The following ZNF385D variants were observed in gnomAD, a reference collection of about 807,000 sequenced individuals.
ZNF385D encodes the protein zinc finger protein 659.
A neutral mutation model predicts 35.8 loss-of-function variants in ZNF385D; 15 were observed. The ratio of observed to expected loss-of-function variants is 0.42; its 90% confidence interval spans 0.28 to 0.64. The LOEUF (loss-of-function observed/expected upper bound fraction) is 0.64. Among genes scored for constraint, ZNF385D ranks in the 30% least tolerant of loss-of-function variants. ZNF385D has a pLI of 0.23. For synonymous variants in ZNF385D, 212 were observed against 186.8 expected (o/e 1.13, Z -1.10); for missense variants, 474 against 494.6 (o/e 0.96, Z 0.39).
intron 3 of ZNF385D, among the ~76,000 whole-genome samples, chr3:22,024,162 C>T (rs1697394301): frequency 6.6e-6 from 1 of 152,104 alleles, no homozygotes; most frequent in Non-Finnish European, 1.5e-5. Context: ...ATATCTTTCT[C>T]CCATTCTGGA....
At chr3:22,086,280 A>G (rs1348323490) in intron 3 of ZNF385D, among the ~76,000 whole-genome samples, 6 of 152,226 alleles carry the variant, frequency 3.9e-5, no homozygotes, top group Non-Finnish European at 7.3e-5. Flanking sequence ...TTTGCAGATG[A>G]CATGATTGTA....
At chr3:21,425,887 C>T (rs1700999795) in intron 5 of ZNF385D, among the ~76,000 whole-genome samples, 1 of 152,122 alleles carries the variant, frequency 6.6e-6, no homozygotes, top group Non-Finnish European at 1.5e-5. Flanking sequence ...GCTTTCATCA[C>T]TTTATATGAT....
At chr3:21,745,063 C>T (rs1575578112) in intron 1 of ZNF385D, among the ~76,000 whole-genome samples, 2 of 152,174 alleles carry the variant, frequency 1.3e-5, no homozygotes, top group Admixed American at 6.5e-5. Context: ...AACAAGAGTG[C>T]TGAGGACATA....
intron 2 of ZNF385D, among the ~76,000 whole-genome samples, chr3:21,608,101 CT>C (rs1486988588): frequency 6.8e-6 from 1 of 147,976 alleles, no homozygotes; most frequent in Non-Finnish European, 1.5e-5. Context: ...CCTCCACCTC[CT>C]GGGATTAAGT....
chr3:21,829,399 C>CTAATA, intron 3 of ZNF385D, among the ~76,000 whole-genome samples: 1 of 152,080 alleles, frequency 6.6e-6, no homozygotes, highest in African/African-American at 2.4e-5. Flanking sequence ...TATTAACAAG[C>CTAATA]TTGGCTATTT....
Position 21,690,740 on chromosome 3 carries a change from A to G in ZNF385D, c.23-25712T>C, listed in dbSNP as rs184108199. 5.3e-5 allele frequency among the ~76,000 whole-genome samples: 8 copies of G among 152,254 alleles called. No individual in the cohort carries two copies. The East Asian group carries it at 1.5e-3, about 29-fold the overall frequency. ...CAAATGGGATCGTGTTAGATATTCA[A>G]ATTCACTGGCCCCACCCTAGACCTA... On this transcript the variant is annotated intron_variant, in intron 1 of 7. Coordinates refer to ENST00000281523, the MANE Select transcript of ZNF385D (RefSeq NM_024697.3).
intron 3 of ZNF385D, among the ~76,000 whole-genome samples, chr3:21,545,451 G>A (rs1686464252): frequency 6.6e-6 from 1 of 152,144 alleles, no homozygotes; most frequent in South Asian, 2.1e-4. Flanking sequence ...TCAGAGTCAA[G>A]GAAACTTATT....
intron 2 of ZNF385D, among the ~76,000 whole-genome samples, chr3:22,302,380 T>TAC (rs1702949303): frequency 6.6e-6 from 1 of 150,380 alleles, no homozygotes; most frequent in Non-Finnish European, 1.5e-5. Context: ...AGTAAAATTA[T>TAC]ATATATATAT....
intron 3 of ZNF385D, among the ~76,000 whole-genome samples, chr3:22,060,235 A>G (rs1428613159): frequency 6.6e-6 from 1 of 152,136 alleles, no homozygotes; most frequent in Non-Finnish European, 1.5e-5. Context: ...CAGCCTTCAT[A>G]ATTATGTGAG....
At chr3:21,823,278 A>G (rs1559659905) in intron 3 of ZNF385D, among the ~76,000 whole-genome samples, 2 of 152,162 alleles carry the variant, frequency 1.3e-5, no homozygotes, top group East Asian at 1.9e-4. Flanking sequence ...TTAGTCACAT[A>G]TCATCTTGGA....
At chr3:21,798,880 G>T (rs139975275) in intron 3 of ZNF385D, among the ~76,000 whole-genome samples, 1 of 152,090 alleles carries the variant, frequency 6.6e-6, no homozygotes, top group South Asian at 2.1e-4. Flanking sequence ...ACAATGTTGT[G>T]CAATAATAAC....
intron 3 of ZNF385D, among the ~76,000 whole-genome samples, chr3:21,923,800 T>C (rs187290295): frequency 2.1e-4 from 32 of 152,132 alleles, no homozygotes; most frequent in Non-Finnish European, 4.0e-4. Context: ...AGTGGAAGCA[T>C]TGGGTATTCA....
chr3:22,171,876 C>CAAAAAAAAAAAA (rs370469654), intron 2 of ZNF385D, among the ~76,000 whole-genome samples: 1 of 100,792 alleles, frequency 9.9e-6, no homozygotes, highest in African/African-American at 3.8e-5. Context: ...GACTCGGTCT[C>CAAAAAAAAAAAA]AAAAAAAAAA....
intron 3 of ZNF385D, among the ~76,000 whole-genome samples, chr3:21,513,021 C>T (rs906069956): frequency 3.3e-5 from 5 of 151,970 alleles, no homozygotes; most frequent in African/African-American, 4.8e-5. Flanking sequence ...TGAGATTAAT[C>T]GTGCTATCTC....
intron 3 of ZNF385D, among the ~76,000 whole-genome samples, chr3:22,026,583 G>A (rs1697566485): frequency 1.3e-5 from 2 of 152,088 alleles, no homozygotes; most frequent in South Asian, 2.1e-4. Flanking sequence ...GTGGGTCCTC[G>A]GACTCATCCT....
In ZNF385D at chr3:21,795,553, A is replaced by T. The variant is rs539116813; in HGVS notation, c.326-130525T>A. On this transcript the variant is annotated intron_variant, in intron 3 of 5. Coordinates refer to the ZNF385D transcript ENST00000494108. Reference sequence around the variant, plus strand: ...AAAACAAGCTAAAATAAAAATTTTTAAAAATCCTTTCCCTTGGCTCCTGAA... The same window carrying T: ...AAAACAAGCTAAAATAAAAATTTTTTAAAATCCTTTCCCTTGGCTCCTGAA... Among the ~76,000 whole-genome samples the T allele has an allele frequency of 1.3e-4, 20 of 152,350 alleles. 1 individual carries two copies. The East Asian group carries it at 2.9e-3, about 22-fold the overall frequency.
chr3:22,158,758 G>A (rs1449765700), intron 3 of ZNF385D, among the ~76,000 whole-genome samples: 1 of 151,854 alleles, frequency 6.6e-6, no homozygotes, highest in Non-Finnish European at 1.5e-5. Flanking sequence ...GAGAAGGAGT[G>A]CCAGGCCTGG....
intron 3 of ZNF385D, among the ~76,000 whole-genome samples, chr3:21,794,294 A>G (rs546434556): frequency 2.6e-4 from 40 of 152,132 alleles, no homozygotes; most frequent in African/African-American, 9.6e-4. Flanking sequence ...AGCTTAGACC[A>G]TTGGGAGCTT....
chr3:22,063,040 T>A (rs1032270627), intron 3 of ZNF385D, among the ~76,000 whole-genome samples: 2 of 152,154 alleles, frequency 1.3e-5, no homozygotes, highest in Non-Finnish European at 2.9e-5. Flanking sequence ...AATTTTTTTT[T>A]ATTTAATCCA....
Sources: gnomAD v4.1 joint callset for allele counts (sites outside exome capture counted in the v4.1 genomes callset) on GRCh38, gnomAD v4.1.1 for gene constraint, MANE v1.5 for transcripts, NCBI Gene and HGNC (gene_info 2026-07-23, HGNC 2026-07-21) for gene names.